The following HOOK3 variants were observed in gnomAD, a reference collection of about 807,000 sequenced individuals.
HOOK3 encodes the protein protein Hook homolog 3.
Under a neutral mutation model 116.3 loss-of-function variants are expected in HOOK3, and 24 were observed. That is an observed-to-expected ratio of 0.21 (90% confidence interval 0.15 to 0.29). The LOEUF (loss-of-function observed/expected upper bound fraction) is 0.29. Ranked by LOEUF, HOOK3 falls within the 10% of genes least tolerant of loss-of-function variation. The pLI, the probability that HOOK3 is intolerant of heterozygous loss-of-function variation, is 1.00. For synonymous variants in HOOK3, 275 were observed against 283.0 expected, an observed-to-expected ratio of 0.97 and a Z score of 0.28; for missense variants, 632 against 830.2, an observed-to-expected ratio of 0.76 and a Z score of 2.93.
chr8:43,008,440 C>T (rs1429275573), intron 18 of HOOK3, among the ~76,000 whole-genome samples: 2 of 151,852 alleles, frequency 1.3e-5, no homozygotes, highest in Non-Finnish European at 2.9e-5. Context: ...CCTAACCACC[C>T]CGCCAATAGC....
intron 3 of HOOK3, 108 bp downstream of exon 3, chr8:42,925,737 C>A: frequency 1.5e-6 from 1 of 671,082 alleles, no homozygotes. Context: ...CTTAGGTAGC[C>A]TGTAATGAAA....
chr8:42,919,592 G>A (rs1437010303), intron 2 of HOOK3, among the ~76,000 whole-genome samples: 5 of 152,216 alleles, frequency 3.3e-5, no homozygotes, highest in African/African-American at 4.8e-5. Flanking sequence ...CAAGGCAGGC[G>A]GCTGGGAGGT....
At chr8:42,982,719 ACT>A in intron 14 of HOOK3, 23 bp downstream of exon 14, 2 of 1,460,290 alleles carry the variant, frequency 1.4e-6, no homozygotes, top group Non-Finnish European at 1.9e-6. Flanking sequence ...TGGTGTTCAC[ACT>A]TACACTGCAC....
intron 1 of HOOK3, among the ~76,000 whole-genome samples, chr8:42,899,727 A>G (rs1314312465): frequency 6.6e-6 from 1 of 152,208 alleles, no homozygotes; most frequent in Non-Finnish European, 1.5e-5. Flanking sequence ...TTGCTCTCAC[A>G]CAGTAAGCTA....
rs1182826014 is a variant in HOOK3 at position 42,912,614 on chromosome 8, A to T, written c.143+6356A>T. ...ATGTTGTGTACATTTTACAATTTTT[A>T]AAAAGTTTTTAAAATATCAGCAAGA... On this transcript the variant is annotated intron_variant, in intron 2 of 21. Coordinates refer to ENST00000307602, the MANE Select transcript of HOOK3 (RefSeq NM_032410.4). Among the ~76,000 whole-genome samples, 4 of 152,244 alleles carry T rather than the reference A, an allele frequency of 2.6e-5. No homozygotes were observed. The East Asian group carries it at 5.8e-4, about 22-fold the overall frequency.
intron 4 of HOOK3, among the ~76,000 whole-genome samples, chr8:42,936,902 C>T (rs770535937): frequency 2.6e-5 from 4 of 152,116 alleles, no homozygotes; most frequent in Non-Finnish European, 5.9e-5. Flanking sequence ...ATGCTGGCCT[C>T]ATCAAATGAG....
rs371942695 is a variant in HOOK3 at position 42,957,416 on chromosome 8, TA to T, written c.531+261del. ...TTGAAATAGGTTAATTTTTTTAGTT[TA>T]TTGTGACTCCTGTTTTCTAGTCATG... On this transcript the variant is annotated intron_variant, in intron 7 of 21. Coordinates refer to ENST00000307602, the MANE Select transcript of HOOK3 (RefSeq NM_032410.4). Among the ~76,000 whole-genome samples the T allele has an allele frequency of 3.6e-4, 55 of 152,346 alleles. 6 individuals are homozygous for T. The East Asian group carries it at 5.0e-3, about 14-fold the overall frequency.
chr8:42,929,210 A>G (rs1807827585), intron 3 of HOOK3, among the ~76,000 whole-genome samples: 1 of 152,222 alleles, frequency 6.6e-6, no homozygotes, highest in Non-Finnish European at 1.5e-5. Flanking sequence ...TATTATATGC[A>G]TTTTCCATAT....
At chr8:43,009,581 T>C (rs1809564466) in intron 18 of HOOK3, among the ~76,000 whole-genome samples, 1 of 152,184 alleles carries the variant, frequency 6.6e-6, no homozygotes, top group Admixed American at 6.5e-5. Flanking sequence ...CCCAAATATT[T>C]ACTCCTGTAG....
At chr8:43,015,877 C>G (rs962275942) in intron 21 of HOOK3, among the ~76,000 whole-genome samples, 2 of 151,806 alleles carry the variant, frequency 1.3e-5, no homozygotes, top group African/African-American at 2.4e-5. Context: ...GCCACCACGC[C>G]TGGCTAATTT....
chr8:43,026,751 C>G lies in HOOK3; in HGVS notation c.*8253C>G. On this transcript the variant is annotated 3_prime_UTR_variant, in exon 22 of 22. Transcript: ENST00000307602. The stretch of plus-strand genomic sequence containing the variant: ...AGGAAAGCCAAGTTCTGGGAGCTGT[C>G]AAGTCGGAGGATCAGGAAAATGGTG... 4.4e-6 allele frequency: 1 copy of G among 228,506 alleles called. No homozygotes were observed. The highest frequency in any genetic ancestry group is 6.2e-5 in the East Asian group (1 of 16,046). The allele number at this position is 228,506 out of a possible 1,614,324, so 14.2% of individuals were successfully genotyped here. A position where few individuals can be genotyped will look rare whatever the true frequency, so the allele number is the denominator to read the frequency against.
At chr8:42,918,104 G>A (rs1391566526) in intron 2 of HOOK3, among the ~76,000 whole-genome samples, 4 of 152,174 alleles carry the variant, frequency 2.6e-5, no homozygotes, top group Non-Finnish European at 5.9e-5. Flanking sequence ...ACATTGGGCC[G>A]AGGCAGGCAA....
In HOOK3 at chr8:42,900,390, A is replaced by G. The variant is rs142350375; in HGVS notation, c.57+3202A>G. On this transcript the variant is annotated intron_variant, in intron 1 of 21. Transcript: ENST00000307602. Reference sequence around the variant, plus strand: ...TAGAGACTGAAAAACGAAGTCTACAATGCTACCAAGTTATGACAAAAAAAG... The same window carrying G: ...TAGAGACTGAAAAACGAAGTCTACAGTGCTACCAAGTTATGACAAAAAAAG... 1.6e-3 allele frequency among the ~76,000 whole-genome samples: 244 copies of G among 152,318 alleles called. 1 individual carries two copies. Among genetic ancestry groups the G allele is most frequent in the African/African-American group, 4.9e-3 (203 of 41,560 alleles).
rs561642811 is a variant in HOOK3 at position 42,959,157 on chromosome 8, T to A, written c.532-74T>A. ...GAAAGACAGGGGGGAGATGTTTTAA[T>A]TCTGTGTTGAACATACGAATTATTA... is the stretch of plus-strand genomic sequence containing the variant. On this transcript the variant is annotated intron_variant, in intron 7 of 21. Transcript: ENST00000307602. 5 of 969,136 alleles carry A rather than the reference T, an allele frequency of 5.2e-6. No homozygotes were observed. The East Asian group carries it at 1.2e-4, about 24-fold the overall frequency. 60.0% of individuals were successfully genotyped at this position (969,136 alleles called of 1,614,324 possible).
chr8:42,970,832 G>C (rs1329865915), intron 11 of HOOK3, among the ~76,000 whole-genome samples: 1 of 140,484 alleles, frequency 7.1e-6, no homozygotes, highest in Non-Finnish European at 1.5e-5. Flanking sequence ...CTGTCATCCA[G>C]GCTAGAGTGC....
At chr8:42,959,649 G>A (rs1808500883) in intron 8 of HOOK3, among the ~76,000 whole-genome samples, 1 of 147,382 alleles carries the variant, frequency 6.8e-6, no homozygotes, top group South Asian at 2.1e-4. Context: ...AACCTGGGAG[G>A]CAGAGGTTGC....
At chr8:42,964,538 G>A (rs1808595842) in intron 9 of HOOK3, 64 bp downstream of exon 9, 1 of 1,488,682 alleles carries the variant, frequency 6.7e-7, no homozygotes, top group East Asian at 2.3e-5. Context: ...AAAGTTAAGA[G>A]TATATTGGCC....
chr8:43,014,234 C>A lies in HOOK3; in HGVS notation c.2016+834C>A, dbSNP rs774525272. Among the ~76,000 whole-genome samples the A allele has an allele frequency of 2.2e-5, 3 of 138,652 alleles. No individual in the cohort carries two copies. The South Asian group carries it at 6.7e-4, about 31-fold the overall frequency. 91.0% of individuals were successfully genotyped at this position (138,652 alleles called of 152,430 possible). A position where few individuals can be genotyped will look rare whatever the true frequency, so the allele number is the denominator to read the frequency against. On this transcript the variant is annotated intron_variant, in intron 21 of 21. Transcript: ENST00000307602. ...TTGGGAAGCAGAGGTTGCAATGAGC[C>A]GAGATTGTGCCATTGCACTCCAGCC...
At chr8:42,970,176 T>C (rs1808701539) in intron 11 of HOOK3, among the ~76,000 whole-genome samples, 2 of 152,208 alleles carry the variant, frequency 1.3e-5, no homozygotes, top group Admixed American at 1.3e-4. Context: ...CTACCACCAT[T>C]TATTTAATAG....
Sources: gnomAD v4.1 joint callset for allele counts (sites outside exome capture counted in the v4.1 genomes callset) on GRCh38, gnomAD v4.1.1 for gene constraint, MANE v1.5 for transcripts, NCBI Gene and HGNC (gene_info 2026-07-23, HGNC 2026-07-21) for gene names.